The following NT5M variants were observed in gnomAD, a reference collection of about 807,000 sequenced individuals.
NT5M encodes 5',3'-nucleotidase, mitochondrial.
A neutral mutation model predicts 22.2 loss-of-function variants in NT5M; 22 were observed. The ratio of observed to expected loss-of-function variants is 0.99; its 90% confidence interval spans 0.71 to 1.41. NT5M has a LOEUF of 1.41. NT5M is among the 40% of genes most tolerant of loss of function. The pLI is 0.00. For synonymous variants in NT5M, 167 were observed against 133.0 expected (o/e 1.26, Z -1.76); for missense variants, 322 against 314.8 (o/e 1.02, Z -0.17).
chr17:17,303,825 TCCCCG>T lies in NT5M; in HGVS notation c.267+20_267+24del, dbSNP rs553075660. On this transcript the variant is annotated intron_variant, in intron 1 of 4. Transcript: ENST00000389022. The stretch of plus-strand genomic sequence containing the variant: ...CTGCGGCCAGGGCTGAGCGTGAGCG[TCCCCG>T]CCCCGCCCCGCGCCGGGCCTCCTTC... 7 of 1,394,368 alleles carry T rather than the reference TCCCCG, an allele frequency of 5.0e-6. No individual in the cohort carries two copies. Among genetic ancestry groups the T allele is most frequent in the East Asian group, 3.0e-5 (1 of 33,368 alleles). The allele number at this position is 1,394,368 out of a possible 1,614,324, so 86.4% of individuals were successfully genotyped here.
At chr17:17,345,409 C>T (rs955863098) in intron 4 of NT5M, 12 of 296,312 alleles carry the variant, frequency 4.0e-5, no homozygotes, top group Middle Eastern at 1.6e-3. Flanking sequence ...TGGTGACTCA[C>T]GCCTGTAATT....
rs142326365 is a variant in NT5M, at chr17:17,311,006, A to T, written c.368+4363A>T. ...AAACCCCATCTCTACTAAAAATACAAAAAATACAAAGATTTGCCCCTGTGT... is the reference window on the plus strand; with the variant it reads ...AAACCCCATCTCTACTAAAAATACATAAAATACAAAGATTTGCCCCTGTGT... On this transcript the variant is annotated intron_variant, in intron 2 of 4. Coordinates refer to ENST00000389022, the MANE Select transcript of NT5M (RefSeq NM_020201.4). Among the ~76,000 whole-genome samples the T allele has an allele frequency of 3.2e-3, 491 of 152,160 alleles. 2 individuals are homozygous for T. The highest frequency in any genetic ancestry group is 0.011 in the African/African-American group (467 of 41,522).
At chr17:17,317,710 A>T (rs558222879) in intron 2 of NT5M, among the ~76,000 whole-genome samples, 2 of 152,322 alleles carry the variant, frequency 1.3e-5, no homozygotes, top group East Asian at 3.9e-4. Context: ...CACGCCTGTT[A>T]TCCCAGCACT....
At position 17,323,818 on chromosome 17, in the gene NT5M, C is replaced by T. The variant is rs181036740; in HGVS notation, c.429+573C>T. Among the ~76,000 whole-genome samples the T allele has an allele frequency of 3.8e-4, 58 of 152,232 alleles. 1 individual carries two copies. In the South Asian group the frequency reaches 4.1e-3, roughly 11 times the overall value. On this transcript the variant is annotated intron_variant, in intron 3 of 4. Transcript: ENST00000389022. ...TCCAGAGCCCCTCCTGCTCTGGGGG[C>T]GTCAAACCTTCAGGCATGAGTTCTT...
chr17:17,334,035 G>A (rs887486454), intron 3 of NT5M, among the ~76,000 whole-genome samples: 14 of 151,720 alleles, frequency 9.2e-5, no homozygotes, highest in Non-Finnish European at 1.8e-4. Flanking sequence ...GGGTTTCATC[G>A]TGTTAGCCAG....
intron 2 of NT5M, among the ~76,000 whole-genome samples, chr17:17,314,107 C>T (rs2048975084): frequency 6.7e-6 from 1 of 150,304 alleles, no homozygotes; most frequent in Admixed American, 6.7e-5. Context: ...GATCTCGGCT[C>T]ACTACAACCT....
chr17:17,307,821 A>G lies in NT5M; in HGVS notation c.368+1178A>G, dbSNP rs892514923. Among the ~76,000 whole-genome samples the G allele has an allele frequency of 5.3e-5, 8 of 152,032 alleles. No homozygotes were observed. In the East Asian group the frequency reaches 1.5e-3, roughly 29 times the overall value. Reference sequence around the variant, plus strand: ...CACGGTGAGCCAAGATCGCGCCACTACACTCTAGCCTAGGCGACAGAGCGA... The same window carrying G: ...CACGGTGAGCCAAGATCGCGCCACTGCACTCTAGCCTAGGCGACAGAGCGA... On this transcript the variant is annotated intron_variant, in intron 2 of 4. Coordinates refer to ENST00000389022, the MANE Select transcript of NT5M (RefSeq NM_020201.4).
intron 3 of NT5M, among the ~76,000 whole-genome samples, chr17:17,332,544 G>C (rs1290781945): frequency 6.6e-6 from 1 of 152,144 alleles, no homozygotes; most frequent in Non-Finnish European, 1.5e-5. Context: ...CATTTTTCCT[G>C]ATTCTGGTTT....
intron 3 of NT5M, among the ~76,000 whole-genome samples, chr17:17,323,684 A>G (rs2049204030): frequency 6.6e-6 from 1 of 152,198 alleles, no homozygotes; most frequent in Admixed American, 6.5e-5. Context: ...AACCCAGAGG[A>G]AAGGTCTGTG....
intron 2 of NT5M, among the ~76,000 whole-genome samples, chr17:17,309,742 G>A (rs1051917189): frequency 2.0e-5 from 3 of 147,232 alleles, no homozygotes; most frequent in Non-Finnish European, 4.4e-5. Context: ...GTCAGCAATG[G>A]CTTCTTCATA....
intron 3 of NT5M, among the ~76,000 whole-genome samples, chr17:17,339,771 A>G (rs1383137895): frequency 6.6e-6 from 1 of 152,198 alleles, no homozygotes; most frequent in Non-Finnish European, 1.5e-5. Flanking sequence ...GATATGATAT[A>G]TCACATTAAT....
intron 3 of NT5M, among the ~76,000 whole-genome samples, chr17:17,339,281 G>A (rs891556402): frequency 6.6e-6 from 1 of 150,538 alleles, no homozygotes; most frequent in Middle Eastern, 3.2e-3. Context: ...TTTTCAGATT[G>A]TTCCTGTTTT....
intron 4 of NT5M, 97 bp from the exon 5 acceptor site, chr17:17,346,708 C>A: frequency 2.0e-6 from 3 of 1,490,708 alleles, no homozygotes; most frequent in Non-Finnish European, 2.7e-6. Context: ...CAAGTTTTGG[C>A]AAGGCCAGAT....
At chr17:17,322,638 G>T (rs1212790409) in intron 2 of NT5M, among the ~76,000 whole-genome samples, 2 of 152,220 alleles carry the variant, frequency 1.3e-5, no homozygotes, top group South Asian at 2.1e-4. Context: ...CCTCATGAGG[G>T]TGTTTGGGAC....
At position 17,303,805 on chromosome 17, in the gene NT5M, G is replaced by T; in HGVS notation, c.255G>T (p.Arg85=). 2.0e-6 allele frequency: 3 copies of T among 1,521,672 alleles called. No homozygotes were observed. Among genetic ancestry groups the T allele is most frequent in the Admixed American group, 1.9e-5 (1 of 52,664 alleles). 94.3% of individuals were successfully genotyped at this position (1,521,672 alleles called of 1,614,324 possible). A position where few individuals can be genotyped will look rare whatever the true frequency, so the allele number is the denominator to read the frequency against. Residue 85 remains arginine (R), a synonymous_variant, in exon 1 of 5, where the codon CGG becomes CGT. Coordinates refer to ENST00000389022, the MANE Select transcript of NT5M (RefSeq NM_020201.4). ...FWVSEQYGRL[R]PGLSEKAISI... ...TGTCGGAGCAGTACGGCCGCCTGCGGCCAGGGCTGAGCGTGAGCGTCCCCG... is the reference window on the plus strand; with the variant it reads ...TGTCGGAGCAGTACGGCCGCCTGCGTCCAGGGCTGAGCGTGAGCGTCCCCG...
At chr17:17,306,721 C>A (rs1294379020) in intron 2 of NT5M, 78 bp downstream of exon 2, 1 of 966,524 alleles carries the variant, frequency 1.0e-6, no homozygotes, top group Non-Finnish European at 1.7e-6. Flanking sequence ...TGCTTCTTCC[C>A]TCCTCTGCCT....
intron 2 of NT5M, 150 bp downstream of exon 2, chr17:17,306,793 G>C: frequency 1.6e-6 from 1 of 628,738 alleles, no homozygotes; most frequent in Non-Finnish European, 2.8e-6. Flanking sequence ...GCTGAGCCTG[G>C]GGAAAACCAC....
intron 1 of NT5M, 27 bp downstream of exon 1, chr17:17,303,844 CGGG>C: frequency 7.3e-7 from 1 of 1,364,598 alleles, no homozygotes. Context: ...CGCCCCGCGC[CGGG>C]CCTCCTTCTC....
chr17:17,307,810 A>G (rs1018522005), intron 2 of NT5M, among the ~76,000 whole-genome samples: 1 of 152,132 alleles, frequency 6.6e-6, no homozygotes, highest in Non-Finnish European at 1.5e-5. Flanking sequence ...GTGAGCCAAG[A>G]TCGCGCCACT....
Sources: allele counts gnomAD v4.1 joint callset (sites outside exome capture counted in the v4.1 genomes callset), GRCh38; gene constraint gnomAD v4.1.1; transcripts MANE v1.5; gene names NCBI Gene and HGNC (gene_info 2026-07-23, HGNC 2026-07-21).